The following CSMD3 variants were observed in gnomAD, a reference collection of about 807,000 sequenced individuals.
CSMD3 encodes the protein CUB and Sushi multiple domains 3.
Under a neutral mutation model 435.2 loss-of-function variants are expected in CSMD3, and 177 were observed. The ratio of observed to expected loss-of-function variants is 0.41; its 90% CI spans 0.36 to 0.46. The LOEUF (loss-of-function observed/expected upper bound fraction) is 0.46. CSMD3 is among the 20% of genes least tolerant of loss of function. CSMD3 has a pLI of 0.34. For missense variants in CSMD3, 4,265 were observed against 4,504.6 expected (o/e 0.95, Z 1.52); for synonymous variants, 1,656 against 1,520.5 (o/e 1.09, Z -2.07).
chr8:112,518,056 A>C (rs1823864528), intron 27 of CSMD3, among the ~76,000 whole-genome samples: 1 of 152,238 alleles, frequency 6.6e-6, no homozygotes, highest in African/African-American at 2.4e-5. Context: ...TGGTAAATCC[A>C]TGCAATGGAA....
intron 4 of CSMD3, among the ~76,000 whole-genome samples, chr8:113,154,118 A>C (rs531219941): frequency 1.3e-5 from 2 of 152,148 alleles, no homozygotes; most frequent in African/African-American, 4.8e-5. Context: ...TAATTTAAAA[A>C]ATTTTATACA....
intron 52 of CSMD3, among the ~76,000 whole-genome samples, chr8:112,302,713 T>G (rs931945105): frequency 1.3e-5 from 2 of 152,012 alleles, no homozygotes; most frequent in Non-Finnish European, 2.9e-5. Flanking sequence ...TTTTCAGTCT[T>G]AAGTTTTAGA....
In CSMD3 at chr8:112,774,819, C is replaced by T. The variant is rs80133390; in HGVS notation, c.1972+25343G>A. On this transcript the variant is annotated intron_variant, in intron 13 of 70. Transcript: ENST00000297405. ...CTTAATTCACATTTCACCTTTGATT[C>T]ACTGTCTATACAATTTACAGAATAA... is the stretch of plus-strand genomic sequence containing the variant. 3.6e-4 allele frequency among the ~76,000 whole-genome samples: 54 copies of T among 152,108 alleles called. No homozygotes were observed. In the East Asian group the frequency reaches 0.011, roughly 30 times the overall value.
chr8:113,145,228 G>A (rs1440905089), intron 4 of CSMD3, among the ~76,000 whole-genome samples: 3 of 151,522 alleles, frequency 2.0e-5, no homozygotes, highest in Non-Finnish European at 4.4e-5. Flanking sequence ...GAAGGCTATT[G>A]TAAAGACTTG....
chr8:112,390,769 T>TA lies in CSMD3; in HGVS notation c.5828dup (p.Leu1943PhefsTer3). The TA allele has an allele frequency of 6.2e-7, 1 of 1,613,766 alleles. No individual in the cohort carries two copies. The highest frequency in any genetic ancestry group is 8.5e-7 in the Non-Finnish European group (1 of 1,179,678). ...ACAAAATAGTCCCTTTGCGCTTAGT[T>TA]AAAATTCCACCACAGGGCACTGAAA... is the stretch of plus-strand genomic sequence containing the variant. On this transcript the variant is annotated frameshift_variant, in exon 36 of 71. Coordinates refer to ENST00000297405, the MANE Select transcript of CSMD3 (RefSeq NM_198123.2). LOFTEE classifies it high-confidence loss of function.
At chr8:112,548,017 G>A (rs1457122791) in intron 27 of CSMD3, among the ~76,000 whole-genome samples, 2 of 152,072 alleles carry the variant, frequency 1.3e-5, no homozygotes, top group Non-Finnish European at 2.9e-5. Context: ...ATGATCCCAC[G>A]AGCCAAGTTT....
chr8:112,243,981 G>T (rs1814437413), intron 65 of CSMD3, among the ~76,000 whole-genome samples: 1 of 152,092 alleles, frequency 6.6e-6, no homozygotes, highest in Non-Finnish European at 1.5e-5. Context: ...GATAGGAAGA[G>T]GCAAAGAATG....
intron 5 of CSMD3, among the ~76,000 whole-genome samples, chr8:113,037,691 A>T (rs537327100): frequency 6.6e-6 from 1 of 152,270 alleles, no homozygotes; most frequent in African/African-American, 2.4e-5. Context: ...TTCACTATGC[A>T]TCAATATCTA....
chr8:112,970,205 T>C (rs1399815723), intron 7 of CSMD3, among the ~76,000 whole-genome samples: 1 of 151,986 alleles, frequency 6.6e-6, no homozygotes, highest in Non-Finnish European at 1.5e-5. Context: ...TAGGTTCTTC[T>C]ATTTTCAAGT....
intron 39 of CSMD3, among the ~76,000 whole-genome samples, chr8:112,351,613 T>C (rs1436822736): frequency 2.0e-5 from 3 of 151,892 alleles, no homozygotes; most frequent in African/African-American, 7.2e-5. Flanking sequence ...GTGAAGTAGG[T>C]TAAAGAATAA....
chr8:112,897,694 C>CTCTCTGTG (rs1277884675), intron 10 of CSMD3, among the ~76,000 whole-genome samples: 2 of 90,964 alleles, frequency 2.2e-5, no homozygotes, highest in African/African-American at 8.8e-5. Flanking sequence ...CTCTCTCTCT[C>CTCTCTGTG]TGTGTGTGTG....
chr8:112,241,590 T>C, intron 66 of CSMD3, 130 bp downstream of exon 66: 1 of 677,322 alleles, frequency 1.5e-6, no homozygotes, highest in Admixed American at 2.4e-5. Context: ...TCTTGTGAAT[T>C]ATCAAATTCA....
At chr8:113,245,881 A>G (rs535302752) in intron 3 of CSMD3, among the ~76,000 whole-genome samples, 5 of 152,110 alleles carry the variant, frequency 3.3e-5, no homozygotes, top group Admixed American at 3.3e-4. Flanking sequence ...TATTTTTAAA[A>G]TATTGTTTGC....
At chr8:113,123,623 C>T (rs1473736952) in intron 4 of CSMD3, among the ~76,000 whole-genome samples, 1 of 152,038 alleles carries the variant, frequency 6.6e-6, no homozygotes, top group Non-Finnish European at 1.5e-5. Flanking sequence ...TTTTCTTGCT[C>T]TCCTGAATAT....
chr8:113,407,150 T>C (rs2094536296), intron 1 of CSMD3, among the ~76,000 whole-genome samples: 2 of 152,166 alleles, frequency 1.3e-5, no homozygotes, highest in Admixed American at 1.3e-4. Context: ...ATATGAAGTC[T>C]TCCACTTATG....
chr8:112,966,707 G>T, intron 7 of CSMD3, among the ~76,000 whole-genome samples: 1 of 151,414 alleles, frequency 6.6e-6, no homozygotes, highest in Admixed American at 6.6e-5. Context: ...TTCCTTTATT[G>T]ATCTTTCCAG....
chr8:113,241,348 A>T (rs1404039391), intron 3 of CSMD3, among the ~76,000 whole-genome samples: 1 of 152,066 alleles, frequency 6.6e-6, no homozygotes, highest in Non-Finnish European at 1.5e-5. Flanking sequence ...ATGGAAGGAG[A>T]TTCATACCTG....
At chr8:113,206,161 C>G (rs145715866) in intron 3 of CSMD3, among the ~76,000 whole-genome samples, 1 of 151,742 alleles carries the variant, frequency 6.6e-6, no homozygotes, top group Non-Finnish European at 1.5e-5. Context: ...GTTTGCTGAC[C>G]CCCAAGAACG....
chr8:112,234,607 C>T lies in CSMD3; in HGVS notation c.10628-130G>A. 4.5e-6 allele frequency: 3 copies of T among 669,750 alleles called. No individual in the cohort carries two copies. In the South Asian group the frequency reaches 5.1e-5, roughly 11 times the overall value. The allele number at this position is 669,750 out of a possible 1,614,324, so 41.5% of individuals were successfully genotyped here. A position where few individuals can be genotyped will look rare whatever the true frequency, so the allele number is the denominator to read the frequency against. Reference sequence around the variant, plus strand: ...AAAAAGAAATAAAACAAGGGCAAGTCAAGGATGGCTTAACCTATAATGCTC... The same window carrying T: ...AAAAAGAAATAAAACAAGGGCAAGTTAAGGATGGCTTAACCTATAATGCTC... On this transcript the variant is annotated intron_variant, in intron 67 of 70. Coordinates refer to ENST00000297405, the MANE Select transcript of CSMD3 (RefSeq NM_198123.2).
Sources: gnomAD v4.1 joint callset for allele counts (sites outside exome capture counted in the v4.1 genomes callset) on GRCh38, gnomAD v4.1.1 for gene constraint, MANE v1.5 for transcripts, NCBI Gene and HGNC (gene_info 2026-07-23, HGNC 2026-07-21) for gene names.